The following GALNTL6 variants were observed in gnomAD, a reference collection of about 807,000 sequenced individuals.
GALNTL6 encodes polypeptide N-acetylgalactosaminyltransferase-like 6.
Under a neutral mutation model 73.7 loss-of-function variants are expected in GALNTL6, and 46 were observed. That is an observed-to-expected ratio of 0.62 (90% CI 0.49 to 0.80). The LOEUF is 0.80. Ranked by LOEUF, GALNTL6 falls within the 30% of genes least tolerant of loss-of-function variation. The probability of loss-of-function intolerance (pLI) is 0.00; values close to 1 mark genes in which losing one functional copy is unlikely to be tolerated. For synonymous variants in GALNTL6, 259 were observed against 263.7 expected, an observed-to-expected ratio of 0.98 and a Z score of 0.17; for missense variants, 604 against 755.0, an observed-to-expected ratio of 0.80 and a Z score of 2.34.
At chr4:172,714,798 G>A (rs530580435) in intron 5 of GALNTL6, among the ~76,000 whole-genome samples, 4 of 151,978 alleles carry the variant, frequency 2.6e-5, no homozygotes, top group Non-Finnish European at 5.9e-5. Context: ...GGCAATGGGT[G>A]AGCGTAAGGG....
intron 5 of GALNTL6, among the ~76,000 whole-genome samples, chr4:172,599,124 TAAAA>T (rs1737962341): frequency 6.6e-6 from 1 of 152,124 alleles, no homozygotes; most frequent in South Asian, 2.1e-4. Context: ...ATTATTCCTT[TAAAA>T]CTATTCATGT....
In GALNTL6 at chr4:171,846,057, C is replaced by T. The variant is rs911222385; in HGVS notation, c.138+31339C>T. On this transcript the variant is annotated intron_variant, in intron 2 of 12. Transcript: ENST00000506823. ...TCAGGGATAGATAACTGTCATATTG[C>T]CTTTCCCATTTATTTTATGACAGAT... 5.3e-5 allele frequency among the ~76,000 whole-genome samples: 8 copies of T among 152,136 alleles called. No homozygotes were observed. In the South Asian group the frequency reaches 1.2e-3, roughly 24 times the overall value.
At chr4:172,816,077 C>T (rs1560971883) in intron 7 of GALNTL6, among the ~76,000 whole-genome samples, 1 of 152,188 alleles carries the variant, frequency 6.6e-6, no homozygotes. Flanking sequence ...GTACACAGAA[C>T]GAAGGCAGTC....
intron 11 of GALNTL6, among the ~76,000 whole-genome samples, chr4:173,016,376 C>T (rs61488072): frequency 0.044 from 6,727 of 152,328 alleles, 510 homozygotes; most frequent in African/African-American, 0.15. Flanking sequence ...CACTCAATGC[C>T]AGCCTGCGAA....
intron 5 of GALNTL6, among the ~76,000 whole-genome samples, chr4:172,660,065 C>T (rs6553640): frequency 0.36 from 54,998 of 152,124 alleles, 10,900 homozygotes; most frequent in African/African-American, 0.5. Context: ...TCCTTCCTCC[C>T]CTTCAATGTA....
chr4:172,862,339 G>A (rs906481229), intron 7 of GALNTL6, among the ~76,000 whole-genome samples: 12 of 152,308 alleles, frequency 7.9e-5, no homozygotes, highest in African/African-American at 2.9e-4. Flanking sequence ...ACTTGAGAGA[G>A]ATTATTTAGG....
At chr4:172,474,472 C>T (rs1561100078) in intron 5 of GALNTL6, among the ~76,000 whole-genome samples, 1 of 152,098 alleles carries the variant, frequency 6.6e-6, no homozygotes, top group Non-Finnish European at 1.5e-5. Context: ...CATTGGTATC[C>T]CAGAGGATGC....
At chr4:172,494,537 G>T (rs558866520) in intron 5 of GALNTL6, among the ~76,000 whole-genome samples, 1 of 152,150 alleles carries the variant, frequency 6.6e-6, no homozygotes, top group African/African-American at 2.4e-5. Flanking sequence ...TCACATGGTC[G>T]CAAGGTGAAG....
At chr4:172,519,240 TTAAGA>T (rs1027030914) in intron 5 of GALNTL6, among the ~76,000 whole-genome samples, 4 of 150,458 alleles carry the variant, frequency 2.7e-5, no homozygotes, top group Non-Finnish European at 4.4e-5. Context: ...TAAGATATAT[TTAAGA>T]TATTTATATA....
chr4:172,146,031 T>A (rs528858495), intron 2 of GALNTL6, among the ~76,000 whole-genome samples: 1 of 152,340 alleles, frequency 6.6e-6, no homozygotes, highest in South Asian at 2.1e-4. Context: ...ACAATGCTCT[T>A]GGCTATGACT....
intron 5 of GALNTL6, among the ~76,000 whole-genome samples, chr4:172,753,321 T>C (rs142380284): frequency 1.1e-3 from 165 of 152,342 alleles, no homozygotes; most frequent in African/African-American, 3.8e-3. Flanking sequence ...CTTTCCTTTA[T>C]AAATTACCCA....
rs555637579 is a variant in GALNTL6 at position 173,030,330 on chromosome 4, A to T, written c.1638+8705A>T. On this transcript the variant is annotated intron_variant, in intron 12 of 12. Transcript: ENST00000506823. ...CATCCTGTTTTTAGCTGTATGTCTA[A>T]CCCAGCTGAAATCACTTAGGTTGTT... Among the ~76,000 whole-genome samples, 79 of 152,252 alleles carry T rather than the reference A, an allele frequency of 5.2e-4. No homozygotes were observed. In the South Asian group the frequency reaches 0.016, roughly 30 times the overall value.
chr4:172,430,720 G>A (rs1161916083), intron 5 of GALNTL6, among the ~76,000 whole-genome samples: 1 of 152,068 alleles, frequency 6.6e-6, no homozygotes, highest in East Asian at 1.9e-4. Context: ...CCAGAGGTTT[G>A]CTTGAACCCA....
At chr4:172,972,021 A>C (rs891812193) in intron 10 of GALNTL6, among the ~76,000 whole-genome samples, 1 of 152,182 alleles carries the variant, frequency 6.6e-6, no homozygotes, top group Non-Finnish European at 1.5e-5. Flanking sequence ...GTAATAAGAA[A>C]GAAGGGTTTG....
chr4:171,903,302 G>A (rs746366496), intron 2 of GALNTL6, among the ~76,000 whole-genome samples: 6 of 151,966 alleles, frequency 3.9e-5, no homozygotes, highest in African/African-American at 9.7e-5. Context: ...TGCGCGAGCT[G>A]AAGCAGGGCG....
At chr4:172,286,196 A>G (rs148920882) in intron 3 of GALNTL6, among the ~76,000 whole-genome samples, 25 of 152,284 alleles carry the variant, frequency 1.6e-4, no homozygotes, top group African/African-American at 5.8e-4. Flanking sequence ...AAAATATCTG[A>G]TATCTGGCTG....
chr4:171,990,099 G>A (rs540465127), intron 2 of GALNTL6, among the ~76,000 whole-genome samples: 7 of 152,176 alleles, frequency 4.6e-5, no homozygotes, highest in Middle Eastern at 3.4e-3. Flanking sequence ...GACCTAGCTC[G>A]GCCTGCTGAG....
At chr4:172,942,393 A>G (rs547844684) in intron 9 of GALNTL6, among the ~76,000 whole-genome samples, 1 of 152,232 alleles carries the variant, frequency 6.6e-6, no homozygotes, top group Non-Finnish European at 1.5e-5. Flanking sequence ...TTGTGAGGGA[A>G]CCAAACTCTT....
In GALNTL6 at chr4:172,921,010, T is replaced by C. The variant is rs188592998; in HGVS notation, c.1042-10151T>C. 5.3e-5 allele frequency among the ~76,000 whole-genome samples: 8 copies of C among 152,248 alleles called. No individual in the cohort carries two copies. The East Asian group carries it at 1.5e-3, about 29-fold the overall frequency. On this transcript the variant is annotated intron_variant, in intron 8 of 12. Coordinates refer to ENST00000506823, the MANE Select transcript of GALNTL6 (RefSeq NM_001034845.3). ...GATGGATCAAAAGGATTTGGAGCTA[T>C]GACTTGAAGGAGATGAGGGAACTAG...
Sources: gnomAD v4.1 joint callset for allele counts (sites outside exome capture counted in the v4.1 genomes callset) on GRCh38, gnomAD v4.1.1 for gene constraint, MANE v1.5 for transcripts, NCBI Gene and HGNC (gene_info 2026-07-23, HGNC 2026-07-21) for gene names.